Variants in GRIK2 observed in about 807,000 individuals in gnomAD.
GRIK2 encodes the protein glutamate receptor ionotropic, kainate 2.
Under a neutral mutation model 100.3 loss-of-function variants are expected in GRIK2, and 32 were observed. The observed-to-expected ratio is 0.32, with a 90% CI of 0.24 to 0.43. The LOEUF (loss-of-function observed/expected upper bound fraction) is 0.43. Ranked by LOEUF, GRIK2 falls within the 20% of genes least tolerant of loss-of-function variation. GRIK2 has a pLI of 1.00. For missense variants in GRIK2, 843 were observed against 1,114.9 expected (o/e 0.76, Z 3.47); for synonymous variants, 417 against 389.4 (o/e 1.07, Z -0.83).
intron 2 of GRIK2, among the ~76,000 whole-genome samples, chr6:101,528,699 C>A (rs376235558): frequency 3.3e-5 from 5 of 152,186 alleles, no homozygotes; most frequent in African/African-American, 9.6e-5. Flanking sequence ...GAACAGAGAT[C>A]ACACATAAAA....
At chr6:101,727,129 C>T (rs183175367) in intron 7 of GRIK2, among the ~76,000 whole-genome samples, 1 of 151,966 alleles carries the variant, frequency 6.6e-6, no homozygotes, top group East Asian at 1.9e-4. Flanking sequence ...CATATATATA[C>T]AATCACTTAA....
intron 2 of GRIK2, among the ~76,000 whole-genome samples, chr6:101,576,851 G>A (rs762931004): frequency 5.9e-5 from 9 of 151,662 alleles, no homozygotes; most frequent in Non-Finnish European, 1.2e-4. Context: ...TTTTGTTGTG[G>A]CAAGTACTAG....
intron 15 of GRIK2, among the ~76,000 whole-genome samples, chr6:102,042,916 T>C (rs1306015483): frequency 4.0e-5 from 6 of 151,704 alleles, no homozygotes; most frequent in African/African-American, 1.4e-4. Flanking sequence ...TCAGAACCAG[T>C]AAAAATAGTT....
At position 102,056,161 on chromosome 6, in the gene GRIK2, A is replaced by C. The variant is rs1771452817; in HGVS notation, c.2562+581A>C. 2.6e-5 allele frequency among the ~76,000 whole-genome samples: 4 copies of C among 151,900 alleles called. No individual in the cohort carries two copies. The South Asian group carries it at 8.3e-4, about 32-fold the overall frequency. ...CTTTTTGCCATTTAATAGTATTCTT[A>C]ATCAGTTCTTTGTTTTTTTGTACCA... On this transcript the variant is annotated intron_variant, in intron 16 of 16. Coordinates refer to ENST00000369134, the MANE Select transcript of GRIK2 (RefSeq NM_021956.5).
intron 2 of GRIK2, among the ~76,000 whole-genome samples, chr6:101,448,859 G>A (rs1770514973): frequency 6.6e-6 from 1 of 151,500 alleles, no homozygotes; most frequent in Non-Finnish European, 1.5e-5. Context: ...ATAATCTCAA[G>A]GAGCTCTAAG....
chr6:101,448,057 T>C lies in GRIK2; in HGVS notation c.115+48665T>C, dbSNP rs193102723. Among the ~76,000 whole-genome samples, 362 of 151,804 alleles carry C rather than the reference T, an allele frequency of 2.4e-3. 3 individuals carry two copies. Among genetic ancestry groups the C allele is most frequent in the Non-Finnish European group, 5.0e-4 (34 of 67,702 alleles). On this transcript the variant is annotated intron_variant, in intron 2 of 16. Coordinates refer to ENST00000369134, the MANE Select transcript of GRIK2 (RefSeq NM_021956.5). ...AACATGTAGGCAGCCAGATCAAGCA[T>C]TGGCTTGTTGAATTTTTGATTAATT...
chr6:101,799,985 T>C (rs1165734224), intron 8 of GRIK2, among the ~76,000 whole-genome samples, 194 bp downstream of exon 8: 2 of 152,116 alleles, frequency 1.3e-5, no homozygotes, highest in Non-Finnish European at 2.9e-5. Flanking sequence ...AAAATATCTA[T>C]CAAAGTATCT....
At chr6:101,570,191 G>A (rs1194471682) in intron 2 of GRIK2, among the ~76,000 whole-genome samples, 1 of 151,956 alleles carries the variant, frequency 6.6e-6, no homozygotes, top group Non-Finnish European at 1.5e-5. Context: ...ATACAGTTTG[G>A]GAAAGATCAT....
intron 4 of GRIK2, among the ~76,000 whole-genome samples, chr6:101,668,171 A>G (rs934270890): frequency 1.3e-5 from 2 of 152,140 alleles, no homozygotes; most frequent in Non-Finnish European, 2.9e-5. Flanking sequence ...TCCTCTGAGA[A>G]GGTGAAAAAC....
chr6:101,915,985 G>A (rs181307143), intron 12 of GRIK2, among the ~76,000 whole-genome samples: 20 of 151,248 alleles, frequency 1.3e-4, no homozygotes, highest in Non-Finnish European at 2.5e-4. Context: ...ATTTCTTCAT[G>A]GATTTAAAGA....
intron 7 of GRIK2, among the ~76,000 whole-genome samples, chr6:101,747,284 C>T (rs891745288): frequency 6.6e-6 from 1 of 152,170 alleles, no homozygotes; most frequent in Non-Finnish European, 1.5e-5. Context: ...AAATGGTTTG[C>T]ATGTGTATTA....
At position 101,408,572 on chromosome 6, in the gene GRIK2, A is replaced by G. The variant is rs9498575; in HGVS notation, c.115+9180A>G. ...GATTCAGTGTTTCATTTTGAACCCA[A>G]AGGCATGAAGAAAAAAAGAAAAAGA... On this transcript the variant is annotated intron_variant, in intron 2 of 16. Transcript: ENST00000369134. Among the ~76,000 whole-genome samples the G allele has an allele frequency of 9.6e-3, 1,464 of 152,188 alleles. 19 individuals are homozygous for G. Among genetic ancestry groups the G allele is most frequent in the African/African-American group, 0.034 (1,400 of 41,518 alleles).
At chr6:101,991,540 A>C (rs1403889620) in intron 14 of GRIK2, among the ~76,000 whole-genome samples, 1 of 151,334 alleles carries the variant, frequency 6.6e-6, no homozygotes, top group Non-Finnish European at 1.5e-5. Context: ...TAATATTAAA[A>C]AGAAAATATT....
intron 14 of GRIK2, among the ~76,000 whole-genome samples, chr6:101,998,895 C>A (rs537726160): frequency 7.1e-6 from 1 of 140,018 alleles, no homozygotes; most frequent in African/African-American, 2.6e-5. Context: ...CTCACTGCAA[C>A]CTCCGCCTCC....
intron 2 of GRIK2, among the ~76,000 whole-genome samples, chr6:101,405,957 T>A (rs1299765242): frequency 6.6e-6 from 1 of 152,218 alleles, no homozygotes; most frequent in Non-Finnish European, 1.5e-5. Context: ...AGCAAAAGCA[T>A]ACAGCAGGTG....
chr6:101,773,982 T>C (rs1370690682), intron 7 of GRIK2, among the ~76,000 whole-genome samples: 1 of 152,182 alleles, frequency 6.6e-6, no homozygotes, highest in Non-Finnish European at 1.5e-5. Flanking sequence ...AAAAGATGCA[T>C]ATTGATATGT....
intron 11 of GRIK2, among the ~76,000 whole-genome samples, chr6:101,874,308 T>C (rs1309040485): frequency 6.6e-6 from 1 of 152,204 alleles, no homozygotes; most frequent in Non-Finnish European, 1.5e-5. Context: ...TTCAGCTTTC[T>C]ACATATGGCT....
chr6:101,919,463 C>T (rs1464797713), intron 12 of GRIK2, among the ~76,000 whole-genome samples: 1 of 151,666 alleles, frequency 6.6e-6, no homozygotes, highest in East Asian at 1.9e-4. Flanking sequence ...AATTGGGAAA[C>T]AGAGATAATA....
At chr6:101,954,890 T>C (rs2128480364) in intron 14 of GRIK2, among the ~76,000 whole-genome samples, 1 of 152,318 alleles carries the variant, frequency 6.6e-6, no homozygotes, top group African/African-American at 2.4e-5. Flanking sequence ...CCTTCATTGA[T>C]TGAGTGCTTT....
Sources: gnomAD v4.1 joint callset for allele counts (sites outside exome capture counted in the v4.1 genomes callset) on GRCh38, gnomAD v4.1.1 for gene constraint, MANE v1.5 for transcripts, NCBI Gene and HGNC (gene_info 2026-07-23, HGNC 2026-07-21) for gene names.